The following CACNA1E variants were observed in gnomAD, a reference collection of about 807,000 sequenced individuals.
CACNA1E encodes voltage-dependent R-type calcium channel subunit alpha-1E.
In CACNA1E, 40 loss-of-function variants were observed where a neutral mutation model predicts 259.2. The ratio of observed to expected loss-of-function variants is 0.15; its 90% confidence interval spans 0.12 to 0.20. The LOEUF (loss-of-function observed/expected upper bound fraction) is 0.20, where lower values mean the gene tolerates loss of function less well. Among genes scored for constraint, CACNA1E ranks in the 10% least tolerant of loss-of-function variants. The pLI is 1.00. For synonymous variants in CACNA1E, 1,104 were observed against 1,138.5 expected, an observed-to-expected ratio of 0.97 and a Z score of 0.61; for missense variants, 1,874 against 3,040.1, an observed-to-expected ratio of 0.62 and a Z score of 9.02.
intron 29 of CACNA1E, among the ~76,000 whole-genome samples, chr1:181,756,441 G>C (rs1456025473): frequency 6.6e-6 from 1 of 152,138 alleles, no homozygotes; most frequent in African/African-American, 2.4e-5. Flanking sequence ...TATCCTCCAG[G>C]GGGGCCCAGC....
chr1:181,798,358 C>T lies in CACNA1E; in HGVS notation c.6466C>T (p.Arg2156Cys). 3.7e-6 allele frequency: 6 copies of T among 1,611,356 alleles called. No individual in the cohort carries two copies. The highest frequency in any genetic ancestry group is 1.7e-5 in the Admixed American group (1 of 60,004). Reference sequence around the variant, plus strand: ...TGACACCAGCACCCCAAGAAGAAGTCGTCGGCAGCTCCCACCCGTCCCGCC... The same window carrying T: ...TGACACCAGCACCCCAAGAAGAAGTTGTCGGCAGCTCCCACCCGTCCCGCC... ...VSDTSTPRRS[R>C]RQLPPVPPKP... Residue 2156 changes from arginine to cysteine, a missense_variant, in exon 48 of 48, where the codon CGT (arginine) becomes TGT (cysteine). Transcript: ENST00000367573. This position sits in a 1 kb window ranked among gnomAD's most constrained non-coding sequence, Gnocchi z 4.2.
intron 2 of CACNA1E, among the ~76,000 whole-genome samples, chr1:181,465,996 A>AGGTAG (rs1553255282): frequency 1.3e-5 from 2 of 151,606 alleles, no homozygotes; most frequent in African/African-American, 4.9e-5. Flanking sequence ...CCCGCTGAAC[A>AGGTAG]TGTAAATTCA....
chr1:181,578,192 A>G (rs1651165318), intron 4 of CACNA1E, among the ~76,000 whole-genome samples: 1 of 152,176 alleles, frequency 6.6e-6, no homozygotes, highest in South Asian at 2.1e-4. Context: ...GTGCATTTTA[A>G]TATAATTGAA....
chr1:181,724,627 C>T (rs981687875), intron 17 of CACNA1E, 90 bp downstream of exon 17: 4 of 1,072,100 alleles, frequency 3.7e-6, no homozygotes, highest in Non-Finnish European at 5.6e-6. Flanking sequence ...TCTACATTGT[C>T]TGACTCAGGC....
intron 1 of CACNA1E, among the ~76,000 whole-genome samples, chr1:181,367,968 C>A (rs7533347): frequency 0.52 from 79,250 of 152,030 alleles, 22,177 homozygotes; most frequent in African/African-American, 0.74. Flanking sequence ...TGGTAGCTTG[C>A]CCCTGTAATC....
At chr1:181,466,633 CA>C (rs1662178659) in intron 2 of CACNA1E, among the ~76,000 whole-genome samples, 1 of 152,116 alleles carries the variant, frequency 6.6e-6, no homozygotes, top group Admixed American at 6.6e-5. Flanking sequence ...TCTTTGTTAC[CA>C]GGACTAGTTA....
intron 1 of CACNA1E, among the ~76,000 whole-genome samples, chr1:181,392,735 GT>G (rs1185459368): frequency 1.3e-5 from 2 of 152,232 alleles, no homozygotes; most frequent in Non-Finnish European, 2.9e-5. Flanking sequence ...GAGCAATACA[GT>G]CATTGGAACC....
At chr1:181,565,062 G>T (rs966150849) in intron 3 of CACNA1E, among the ~76,000 whole-genome samples, 5 of 152,040 alleles carry the variant, frequency 3.3e-5, no homozygotes, top group Non-Finnish European at 5.9e-5. Flanking sequence ...AGTGAGCATT[G>T]GTGTCACCTT....
chr1:181,659,100 G>A (rs1018592521), intron 7 of CACNA1E, among the ~76,000 whole-genome samples: 2 of 152,130 alleles, frequency 1.3e-5, no homozygotes, highest in African/African-American at 4.8e-5. Flanking sequence ...GCAGCTGAAT[G>A]TTATGTACCA....
chr1:181,696,082 A>T (rs540500750), intron 7 of CACNA1E, among the ~76,000 whole-genome samples: 2 of 152,378 alleles, frequency 1.3e-5, no homozygotes, highest in South Asian at 4.1e-4. Flanking sequence ...TATAAAAAGC[A>T]TAAACAATGA....
chr1:181,454,338 C>T (rs1374244147), intron 2 of CACNA1E, among the ~76,000 whole-genome samples: 6 of 152,216 alleles, frequency 3.9e-5, no homozygotes, highest in African/African-American at 1.4e-4. Context: ...TACATTATTC[C>T]TATTCAAACA....
At chr1:181,350,761 T>A (rs1219345875) in intron 1 of CACNA1E, among the ~76,000 whole-genome samples, 1 of 152,150 alleles carries the variant, frequency 6.6e-6, no homozygotes, top group Admixed American at 6.5e-5. Flanking sequence ...CTGCTTTGCC[T>A]CATATTCTCC....
intron 7 of CACNA1E, among the ~76,000 whole-genome samples, chr1:181,676,633 T>C (rs551155673): frequency 6.6e-6 from 1 of 152,182 alleles, no homozygotes; most frequent in Non-Finnish European, 1.5e-5. Flanking sequence ...TTAGTATATA[T>C]GTGCTCCGGC....
intron 6 of CACNA1E, among the ~76,000 whole-genome samples, chr1:181,609,272 A>T (rs1202510463): frequency 6.6e-6 from 1 of 152,202 alleles, no homozygotes; most frequent in Non-Finnish European, 1.5e-5. Flanking sequence ...AGGAAATAAA[A>T]CATAACTGCA....
intron 1 of CACNA1E, among the ~76,000 whole-genome samples, chr1:181,348,504 G>A (rs897893678): frequency 7.9e-5 from 12 of 152,186 alleles, no homozygotes; most frequent in Non-Finnish European, 1.5e-4. Flanking sequence ...TCATCTTGGT[G>A]ATGAGCCTTG....
intron 6 of CACNA1E, among the ~76,000 whole-genome samples, chr1:181,647,105 TGTAAGA>T (rs1658346154): frequency 6.6e-6 from 1 of 152,154 alleles, no homozygotes. Context: ...CAGTGCTCCA[TGTAAGA>T]GGACACTGAC....
chr1:181,758,161 T>G lies in CACNA1E; in HGVS notation c.4494+50T>G. The G allele has an allele frequency of 6.4e-7, 1 of 1,564,206 alleles. No homozygotes were observed. Among genetic ancestry groups the G allele is most frequent in the Non-Finnish European group, 8.8e-7 (1 of 1,141,638 alleles). On this transcript the variant is annotated intron_variant, in intron 31 of 47. Transcript: ENST00000367573. The surrounding 1 kb of genome is among the most constrained non-coding windows in gnomAD (Gnocchi z 4.2). ...CGACTGAGCCCCAGCGATGGTTCCC[T>G]CCCAGGGCAAGTGGGAAGACACCCC... is the stretch of plus-strand genomic sequence containing the variant.
chr1:181,662,011 T>C (rs1647735941), intron 7 of CACNA1E, among the ~76,000 whole-genome samples: 1 of 152,188 alleles, frequency 6.6e-6, no homozygotes, highest in African/African-American at 2.4e-5. Flanking sequence ...CACATGTAAC[T>C]TCCCAGTCCT....
intron 1 of CACNA1E, among the ~76,000 whole-genome samples, chr1:181,333,367 A>G (rs1469683063): frequency 6.6e-6 from 1 of 152,144 alleles, no homozygotes; most frequent in Admixed American, 6.5e-5. Flanking sequence ...TACATACATC[A>G]GGGTTGGCAA....
Sources: gnomAD v4.1 joint callset for allele counts (sites outside exome capture counted in the v4.1 genomes callset) on GRCh38, gnomAD v4.1.1 for gene constraint, Gnocchi (gnomAD v3.1) non-coding constraint, MANE v1.5 for transcripts, NCBI Gene and HGNC (gene_info 2026-07-23, HGNC 2026-07-21) for gene names.